LRRC34: variants seen among roughly 807,000 people sequenced by gnomAD.
LRRC34 encodes the protein leucine-rich repeat-containing protein 34.
In LRRC34, 44 loss-of-function variants were observed where a neutral mutation model predicts 48.5. That is an observed-to-expected ratio of 0.91 (90% CI 0.71 to 1.17). The LOEUF is 1.17. Ranked by LOEUF, LRRC34 falls within the 50% of genes most tolerant of loss-of-function variation. LRRC34 has a pLI of 0.00. For synonymous variants in LRRC34, 192 were observed against 197.6 expected (o/e 0.97, Z 0.24); for missense variants, 502 against 563.0 (o/e 0.89, Z 1.10).
Position 169,804,118 on chromosome 3 carries a change from A to G in LRRC34, c.592T>C (p.Phe198Leu), listed in dbSNP as rs1362977314. 1 of 1,608,216 alleles carries G rather than the reference A, an allele frequency of 6.2e-7. No individual in the cohort carries two copies. Among genetic ancestry groups the G allele is most frequent in the Non-Finnish European group, 8.5e-7 (1 of 1,176,912 alleles). The change falls in exon 6 of 11, where the codon TTT becomes CTT. Residue 198 changes from phenylalanine to leucine, a missense_variant. Phe to Leu is a conservative substitution (Grantham distance 22). Transcript: ENST00000446859. Reference sequence around the variant, plus strand: ...TTAATTTGCAGCATTGCAGCAAAAAACATTCCACCTTTATTTTCAATTTTG... The same window carrying G: ...TTAATTTGCAGCATTGCAGCAAAAAGCATTCCACCTTTATTTTCAATTTTG... The part of the protein sequence containing the change: ...GNKIENKGGM[F>L]FAAMLQINSS...
In LRRC34 at chr3:169,808,735, T is replaced by C; in HGVS notation, c.150A>G (p.Glu50=). 1 of 1,534,092 alleles carries C rather than the reference T, an allele frequency of 6.5e-7. No individual in the cohort carries two copies. Among genetic ancestry groups the C allele is most frequent in the Non-Finnish European group, 9.0e-7 (1 of 1,117,220 alleles). Reference sequence around the variant, plus strand: ...TAGAATAATGTTTCTGGAGACCAGATTCTGGAGATTCTGAAAAATATATGC... The same window carrying C: ...TAGAATAATGTTTCTGGAGACCAGACTCTGGAGATTCTGAAAAATATATGC... ...AALAVQRESP[E]SGLQKHYSNL... Residue 50 remains glutamate (E), a synonymous_variant, in exon 2 of 11, where the codon GAA becomes GAG. Transcript: ENST00000446859.
At chr3:169,808,268 C>G (rs1779449531) in intron 2 of LRRC34, among the ~76,000 whole-genome samples, 1 of 148,516 alleles carries the variant, frequency 6.7e-6, no homozygotes, top group South Asian at 2.1e-4. Flanking sequence ...GAGCCGAGAT[C>G]ACGCCACTGC....
Position 169,807,444 on chromosome 3 carries a change from A to G in LRRC34, c.426T>C (p.Tyr142=). 6.2e-7 allele frequency: 1 copy of G among 1,614,058 alleles called. No homozygotes were observed. Residue 142 remains tyrosine, a synonymous_variant, in exon 4 of 11, where the codon TAT becomes TAC. Transcript: ENST00000446859. ...YNLLCDVGAY[Y]AAKLLQKQLN... Reference sequence around the variant, plus strand: ...ATAATACCTGAAGCAGTTTCGCAGCATAGTATGCACCAACATCACATAGAA... The same window carrying G: ...ATAATACCTGAAGCAGTTTCGCAGCGTAGTATGCACCAACATCACATAGAA...
At chr3:169,804,321 AG>A (rs1477971113) in intron 5 of LRRC34, 140 bp from the exon 6 acceptor site, 1 of 644,066 alleles carries the variant, frequency 1.6e-6, no homozygotes, top group African/African-American at 1.9e-5. Context: ...TTTGAGACAG[AG>A]TCTCGCTCTG....
At chr3:169,801,093 T>C (rs964805545) in intron 6 of LRRC34, among the ~76,000 whole-genome samples, 9 of 152,188 alleles carry the variant, frequency 5.9e-5, no homozygotes, top group African/African-American at 2.2e-4. Context: ...CACATCATTG[T>C]GCAAGCACTC....
intron 4 of LRRC34, 134 bp downstream of exon 4, chr3:169,807,292 C>A: frequency 1.2e-6 from 1 of 839,896 alleles, no homozygotes; most frequent in African/African-American, 1.7e-5. Flanking sequence ...AATGGGTTTC[C>A]AGTATATTTC....
chr3:169,807,044 C>G, intron 4 of LRRC34, 113 bp from the exon 5 acceptor site: 1 of 528,528 alleles, frequency 1.9e-6, no homozygotes, highest in Non-Finnish European at 3.3e-6. Context: ...TAAGTGTTTT[C>G]CTCCAAAGAA....
intron 8 of LRRC34, 56 bp downstream of exon 8, chr3:169,796,689 T>C: frequency 1.3e-6 from 2 of 1,494,140 alleles, no homozygotes; most frequent in Non-Finnish European, 1.8e-6. Flanking sequence ...TGAATATTTA[T>C]ATAGATTATT....
intron 6 of LRRC34, among the ~76,000 whole-genome samples, chr3:169,801,283 C>T (rs1779179224): frequency 6.6e-6 from 1 of 152,142 alleles, no homozygotes; most frequent in South Asian, 2.1e-4. Flanking sequence ...CATGGGCTTC[C>T]TCTCACTCTG....
intron 7 of LRRC34, among the ~76,000 whole-genome samples, chr3:169,799,587 G>A (rs1001522052): frequency 1.3e-5 from 2 of 152,184 alleles, no homozygotes; most frequent in African/African-American, 4.8e-5. Flanking sequence ...AGGCCAGGAG[G>A]TGGAGGCTGC....
chr3:169,811,433 A>G (rs1224167185), intron 1 of LRRC34, among the ~76,000 whole-genome samples: 1 of 152,214 alleles, frequency 6.6e-6, no homozygotes, highest in Non-Finnish European at 1.5e-5. Flanking sequence ...TCACCTACGT[A>G]TTTTGTATGC....
chr3:169,805,548 A>G (rs1214341016), intron 5 of LRRC34, among the ~76,000 whole-genome samples: 1 of 152,082 alleles, frequency 6.6e-6, no homozygotes, highest in Non-Finnish European at 1.5e-5. Context: ...AGATGGCAAT[A>G]CTCCCCAAGG....
intron 7 of LRRC34, 90 bp downstream of exon 7, chr3:169,800,569 A>G: frequency 1.6e-6 from 1 of 643,848 alleles, no homozygotes; most frequent in Non-Finnish European, 2.5e-6. Context: ...CTAAAAATAC[A>G]GTGTATTCAT....
rs900288370 is a variant in LRRC34 at position 169,812,191 on chromosome 3, C to T, written c.139+219G>A. ...CGGGAACTCCTCTCCGTGGACTCCT[C>T]TCCTGCCCCCGGTCGCAAAGGGCGA... On this transcript the variant is annotated intron_variant, in intron 1 of 10. Coordinates refer to ENST00000446859, the MANE Select transcript of LRRC34 (RefSeq NM_001172779.2). The surrounding 1 kb of genome is among the most constrained non-coding windows in gnomAD (Gnocchi z 4.3). Among the ~76,000 whole-genome samples the T allele has an allele frequency of 1.1e-4, 16 of 151,940 alleles. No homozygotes were observed. Among genetic ancestry groups the T allele is most frequent in the Admixed American group, 1.3e-4 (2 of 15,274 alleles).
At chr3:169,798,574 T>C (rs1779077405) in intron 7 of LRRC34, among the ~76,000 whole-genome samples, 1 of 152,152 alleles carries the variant, frequency 6.6e-6, no homozygotes. Context: ...GACTAGCACC[T>C]AGCTGGCTGC....
At chr3:169,796,720 T>TATTAA (rs1293152270) in intron 8 of LRRC34, 25 bp downstream of exon 8, 1 of 1,591,154 alleles carries the variant, frequency 6.3e-7, no homozygotes, top group South Asian at 1.2e-5. Flanking sequence ...AACTTTGAAT[T>TATTAA]ATTAATGTGT....
chr3:169,812,730 G>A lies in LRRC34; in HGVS notation c.-182C>T. On this transcript the variant is annotated 5_prime_UTR_variant, in exon 1 of 11. Transcript: ENST00000446859. This position sits in a 1 kb window ranked among gnomAD's most constrained non-coding sequence, Gnocchi z 4.3. Reference sequence around the variant, plus strand: ...ACCCTGCCCTGGTTAAAGGCAGCCTGAGGGAGGGCGTCCTGGCTCCTTTGC... The same window carrying A: ...ACCCTGCCCTGGTTAAAGGCAGCCTAAGGGAGGGCGTCCTGGCTCCTTTGC... The A allele has an allele frequency of 1.2e-6, 1 of 856,666 alleles. No homozygotes were observed. The highest frequency in any genetic ancestry group is 2.3e-5 in the South Asian group (1 of 43,484). The allele number at this position is 856,666 out of a possible 1,614,324, so 53.1% of individuals were successfully genotyped here.
chr3:169,807,619 G>A lies in LRRC34; in HGVS notation c.348C>T (p.Ser116=). ...TATACAGACAATTCTTTAAAATTTT[G>A]GAAAGAATCCAAAAATCTTCACCTG... The part of the protein sequence containing the change: ...RVTGEDFWIL[S]KILKNCLYIN... The change falls in exon 3 of 11, where the codon TCC becomes TCT. Residue 116 remains serine, a synonymous_variant. Coordinates refer to ENST00000446859, the MANE Select transcript of LRRC34 (RefSeq NM_001172779.2). The A allele has an allele frequency of 6.2e-7, 1 of 1,609,204 alleles. No homozygotes were observed. The highest frequency in any genetic ancestry group is 8.5e-7 in the Non-Finnish European group (1 of 1,178,432).
At chr3:169,805,881 T>C (rs1350538651) in intron 5 of LRRC34, among the ~76,000 whole-genome samples, 1 of 112,320 alleles carries the variant, frequency 8.9e-6, no homozygotes, top group Non-Finnish European at 1.7e-5. Flanking sequence ...CAAAACTCCA[T>C]CTCAAAAAAA....
Sources: gnomAD v4.1 joint callset for allele counts (sites outside exome capture counted in the v4.1 genomes callset) on GRCh38, gnomAD v4.1.1 for gene constraint, Gnocchi (gnomAD v3.1) non-coding constraint, MANE v1.5 for transcripts, NCBI Gene and HGNC (gene_info 2026-07-23, HGNC 2026-07-21) for gene names.